TANC2: variants seen among roughly 807,000 people sequenced by gnomAD.
The protein encoded by TANC2 is tetratricopeptide repeat, ankyrin repeat and coiled-coil containing 2, also known as protein TANC2.
A neutral mutation model predicts 210.5 loss-of-function variants in TANC2; 26 were observed. The ratio of observed to expected loss-of-function variants is 0.12; its 90% CI spans 0.09 to 0.17. The LOEUF (loss-of-function observed/expected upper bound fraction) is 0.17. Among genes scored for constraint, TANC2 ranks in the 10% least tolerant of loss-of-function variants. TANC2 has a pLI of 1.00. For missense variants in TANC2, 2,129 were observed against 2,608.9 expected, an observed-to-expected ratio of 0.82 and a Z score of 4.01; for synonymous variants, 931 against 967.1, an observed-to-expected ratio of 0.96 and a Z score of 0.69.
chr17:63,267,764 C>G, exon 9 of TANC2: 1 of 1,612,886 alleles, frequency 6.2e-7, no homozygotes, highest in Non-Finnish European at 8.5e-7. Flanking sequence ...GCTCTGCCCA[C>G]TTGGAAGACC....
chr17:63,344,422 T>C (rs929105039), intron 12 of TANC2, among the ~76,000 whole-genome samples: 2 of 152,116 alleles, frequency 1.3e-5, no homozygotes, highest in African/African-American at 2.4e-5. Flanking sequence ...TCCCCTAAGG[T>C]CAAGAGCAAG....
intron 11 of TANC2, 51 bp downstream of exon 11, chr17:63,319,141 A>G: frequency 2.6e-6 from 4 of 1,563,764 alleles, no homozygotes; most frequent in Admixed American, 1.9e-5. Context: ...TTTAATATCA[A>G]GGAAGCAAAG....
chr17:63,126,500 C>G (rs1024623064), intron 4 of TANC2, among the ~76,000 whole-genome samples: 1 of 152,080 alleles, frequency 6.6e-6, no homozygotes, highest in African/African-American at 2.4e-5. Flanking sequence ...CCTCCACCTC[C>G]TGGGTTCAAG....
At chr17:63,200,944 T>C (rs192822013) in exon 7 of TANC2, 1 of 1,605,424 alleles carries the variant, frequency 6.2e-7, no homozygotes, top group African/African-American at 1.3e-5. Flanking sequence ...AAAGCAGAGA[T>C]AGTGGCATCA....
chr17:63,103,303 T>C (rs532984119), intron 4 of TANC2, among the ~76,000 whole-genome samples: 89 of 152,314 alleles, frequency 5.8e-4, no homozygotes, highest in Middle Eastern at 3.4e-3. Context: ...TTTGCAGATA[T>C]AGGTCCATTT....
Position 63,075,635 on chromosome 17 carries a change from C to T in TANC2, c.139+1621C>T, listed in dbSNP as rs530485294. The stretch of plus-strand genomic sequence containing the variant: ...GCAACCTCCGCCTCCCGGGTTCAAG[C>T]GATTCTCCTGCCTCAGCCTCCTGGG... On this transcript the variant is annotated intron_variant, in intron 3 of 27. Transcript: ENST00000689528. Among the ~76,000 whole-genome samples, 25 of 152,122 alleles carry T rather than the reference C, an allele frequency of 1.6e-4. No homozygotes were observed. The East Asian group carries it at 2.3e-3, about 14-fold the overall frequency.
chr17:63,308,712 A>G (rs546325000), intron 9 of TANC2, among the ~76,000 whole-genome samples: 1 of 152,326 alleles, frequency 6.6e-6, no homozygotes, highest in East Asian at 1.9e-4. Context: ...GTGTGTTTCA[A>G]TTGATGTAGT....
At chr17:63,116,320 T>C (rs775703038) in intron 4 of TANC2, among the ~76,000 whole-genome samples, 2 of 152,180 alleles carry the variant, frequency 1.3e-5, no homozygotes, top group African/African-American at 4.8e-5. Context: ...ATTACGACAA[T>C]TCTATGCATT....
At chr17:63,355,850 A>G (rs745914073) in intron 14 of TANC2, among the ~76,000 whole-genome samples, 22 of 152,228 alleles carry the variant, frequency 1.4e-4, no homozygotes, top group Non-Finnish European at 4.4e-5. Flanking sequence ...AGTCCAGCCA[A>G]TGCTAAGCTT....
At chr17:63,017,867 C>T (rs1478573885) in intron 2 of TANC2, among the ~76,000 whole-genome samples, 7 of 152,040 alleles carry the variant, frequency 4.6e-5, no homozygotes, top group Non-Finnish European at 8.8e-5. Context: ...AGCAGCAGGG[C>T]GCGGTGACTC....
At chr17:63,111,975 C>T (rs1447884131) in intron 4 of TANC2, among the ~76,000 whole-genome samples, 3 of 152,132 alleles carry the variant, frequency 2.0e-5, no homozygotes, top group Non-Finnish European at 4.4e-5. Context: ...CCGCCCGCCT[C>T]GGCCTTCCAA....
intron 8 of TANC2, among the ~76,000 whole-genome samples, chr17:63,255,185 A>G (rs555656569): frequency 5.3e-5 from 8 of 151,646 alleles, no homozygotes; most frequent in African/African-American, 1.9e-4. Context: ...GCTCACTGCA[A>G]GCTCCACCTC....
At chr17:63,143,121 G>A (rs968983846) in intron 4 of TANC2, among the ~76,000 whole-genome samples, 1 of 152,090 alleles carries the variant, frequency 6.6e-6, no homozygotes, top group Non-Finnish European at 1.5e-5. Flanking sequence ...TTATGGAATT[G>A]GTTTACAAAT....
intron 11 of TANC2, among the ~76,000 whole-genome samples, chr17:63,319,568 C>T (rs1318099418): frequency 6.6e-6 from 1 of 152,188 alleles, no homozygotes; most frequent in African/African-American, 2.4e-5. Context: ...CCGGGCTTCT[C>T]TCAAACCCCT....
At chr17:62,974,074 T>A (rs1253484654) in intron 1 of TANC2, among the ~76,000 whole-genome samples, 1 of 152,248 alleles carries the variant, frequency 6.6e-6, no homozygotes, top group Non-Finnish European at 1.5e-5. Flanking sequence ...TTACATAGCC[T>A]GTGCCCATTA....
intron 7 of TANC2, among the ~76,000 whole-genome samples, chr17:63,203,379 C>T (rs2041597854): frequency 6.6e-6 from 1 of 152,094 alleles, no homozygotes. Context: ...TGTTAATATA[C>T]TCGGTTACAG....
chr17:63,314,783 C>T (rs950235289), intron 10 of TANC2, 114 bp downstream of exon 10: 10 of 1,277,008 alleles, frequency 7.8e-6, no homozygotes, highest in Non-Finnish European at 9.7e-6. Context: ...CTGACTTCCA[C>T]GTGAGGACTA....
At chr17:63,342,701 G>A (rs541314061) in intron 12 of TANC2, among the ~76,000 whole-genome samples, 9 of 152,186 alleles carry the variant, frequency 5.9e-5, no homozygotes, top group East Asian at 3.9e-4. Flanking sequence ...GCGTGAACCC[G>A]GGAGGCGGAG....
intron 7 of TANC2, among the ~76,000 whole-genome samples, chr17:63,225,658 T>G (rs181558819): frequency 6.6e-6 from 1 of 152,348 alleles, no homozygotes; most frequent in East Asian, 1.9e-4. Context: ...AACCAGGATA[T>G]TATTCATGAC....
Sources: gnomAD v4.1 joint callset for allele counts (sites outside exome capture counted in the v4.1 genomes callset) on GRCh38, gnomAD v4.1.1 for gene constraint, MANE v1.5 for transcripts, NCBI Gene and HGNC (gene_info 2026-07-23, HGNC 2026-07-21) for gene names.